Variants in BDH1 observed in about 807,000 individuals in gnomAD.
The protein encoded by BDH1 is 3-hydroxybutyrate dehydrogenase 1.
A neutral mutation model predicts 33.1 loss-of-function variants in BDH1; 30 were observed. The ratio of observed to expected loss-of-function variants is 0.91; its 90% CI spans 0.68 to 1.23. The LOEUF is 1.23. Among genes scored for constraint, BDH1 ranks in the 50% most tolerant of loss-of-function variants. The pLI, the probability that BDH1 is intolerant of heterozygous loss-of-function variation, is 0.00. For missense variants in BDH1, 443 were observed against 464.4 expected, an observed-to-expected ratio of 0.95 and a Z score of 0.42; for synonymous variants, 190 against 183.6, an observed-to-expected ratio of 1.03 and a Z score of -0.28.
intron 1 of BDH1, among the ~76,000 whole-genome samples, chr3:197,564,847 A>T (rs1470469699): frequency 1.3e-5 from 2 of 152,234 alleles, no homozygotes; most frequent in Non-Finnish European, 2.9e-5. Context: ...GCTTATGGTC[A>T]AGATTAAAAT....
chr3:197,526,988 C>G lies in BDH1; in HGVS notation c.268-4207G>C, dbSNP rs1489963303. ...AATATCAGCACACTAACAACTCTTT[C>G]CAGTCGCTCAACCTCTTCTATTTCC... On this transcript the variant is annotated intron_variant, in intron 5 of 7. Transcript: ENST00000392379. This position sits in a 1 kb window ranked among gnomAD's most constrained non-coding sequence, Gnocchi z 4.7. 6.6e-6 allele frequency among the ~76,000 whole-genome samples: 1 copy of G among 152,236 alleles called. No individual in the cohort carries two copies. The highest frequency in any genetic ancestry group is 2.4e-5 in the African/African-American group (1 of 41,474).
intron 3 of BDH1, among the ~76,000 whole-genome samples, chr3:197,537,708 G>A (rs1003154993): frequency 1.3e-5 from 2 of 152,182 alleles, no homozygotes; most frequent in African/African-American, 2.4e-5. Flanking sequence ...TTTTTCCTGA[G>A]ATTTTTAAAA....
chr3:197,548,744 G>C (rs994914697), intron 2 of BDH1, among the ~76,000 whole-genome samples: 4 of 152,066 alleles, frequency 2.6e-5, no homozygotes, highest in African/African-American at 9.7e-5. Flanking sequence ...CCAGCTACTC[G>C]GGAGGCTGGG....
chr3:197,552,246 A>G (rs903716061), intron 2 of BDH1, among the ~76,000 whole-genome samples: 3 of 152,016 alleles, frequency 2.0e-5, no homozygotes, highest in African/African-American at 7.3e-5. Flanking sequence ...TGCCACCTTC[A>G]CATATATCTA....
intron 1 of BDH1, among the ~76,000 whole-genome samples, chr3:197,562,039 T>C (rs995641660): frequency 7.2e-5 from 11 of 152,186 alleles, no homozygotes; most frequent in Non-Finnish European, 1.5e-4. Context: ...GGGCGGATTC[T>C]TCTTACATCT....
rs1368455417 is a variant in BDH1 at position 197,555,888 on chromosome 3, G to C, written c.-303C>G. ...TCTCCTGCGGGGAGAGCCGAGGGGG[G>C]GCGCTGCCGCAGGGTCTTTCTGGAA... On this transcript the variant is annotated 5_prime_UTR_variant, in exon 1 of 8. Transcript: ENST00000392379. 1 of 152,274 alleles carries C rather than the reference G, an allele frequency of 6.6e-6. No homozygotes were observed. 9.4% of individuals were successfully genotyped at this position (152,274 alleles called of 1,614,324 possible).
chr3:197,562,472 G>A lies in BDH1; in HGVS notation c.-44+10709C>T, dbSNP rs141208559. On this transcript the variant is annotated intron_variant, in intron 1 of 6. Coordinates refer to the BDH1 transcript ENST00000358186. Reference sequence around the variant, plus strand: ...GCGTCCCTGGGTGACCAGGGGCCTCGTGGGAGCGTCTGGGGAGTTGACCCC... The same window carrying A: ...GCGTCCCTGGGTGACCAGGGGCCTCATGGGAGCGTCTGGGGAGTTGACCCC... Among the ~76,000 whole-genome samples, 612 of 152,330 alleles carry A rather than the reference G, an allele frequency of 4.0e-3. 4 individuals carry two copies. Among genetic ancestry groups the A allele is most frequent in the African/African-American group, 0.013 (554 of 41,570 alleles).
At chr3:197,532,360 A>G in intron 5 of BDH1, 52 bp downstream of exon 5, 3 of 1,524,470 alleles carry the variant, frequency 2.0e-6, no homozygotes, top group Non-Finnish European at 2.7e-6. Context: ...AAGACTAAAA[A>G]ACAATGACTA....
At chr3:197,532,660 G>A (rs1478867495) in intron 4 of BDH1, 138 bp from the exon 5 acceptor site, 1 of 634,234 alleles carries the variant, frequency 1.6e-6, no homozygotes, top group Non-Finnish European at 2.8e-6. Context: ...TGTTCTTGTT[G>A]TCTGGAGAAG....
chr3:197,534,410 G>C (rs1241589080), intron 3 of BDH1, among the ~76,000 whole-genome samples: 1 of 152,140 alleles, frequency 6.6e-6, no homozygotes, highest in East Asian at 1.9e-4. Context: ...TCAATAATTT[G>C]CTCCTTGTTA....
intron 1 of BDH1, among the ~76,000 whole-genome samples, chr3:197,570,918 G>T (rs1188185548): frequency 6.6e-6 from 1 of 152,198 alleles, no homozygotes; most frequent in Admixed American, 6.5e-5. Flanking sequence ...CTGACAGCTT[G>T]CACCATGTGC....
intron 2 of BDH1, among the ~76,000 whole-genome samples, chr3:197,546,722 C>G (rs1716110428): frequency 6.6e-6 from 1 of 152,172 alleles, no homozygotes; most frequent in South Asian, 2.1e-4. Context: ...AGCTGTGCCA[C>G]CAAACACACT....
chr3:197,511,886 C>T lies in BDH1; in HGVS notation c.*9G>A, dbSNP rs773228186. 18 of 1,545,350 alleles carry T rather than the reference C, an allele frequency of 1.2e-5. No homozygotes were observed. In the East Asian group the frequency reaches 2.0e-4, roughly 17 times the overall value. On this transcript the variant is annotated 3_prime_UTR_variant, in exon 8 of 8. Coordinates refer to ENST00000392379, the MANE Select transcript of BDH1 (RefSeq NM_203314.3). The stretch of plus-strand genomic sequence containing the variant: ...CAGGGATCCCTGACAGAGGCCACAG[C>T]GAGACTCTTCAGCGGATGTAGATCA...
chr3:197,524,980 A>G (rs1200251373), intron 5 of BDH1, among the ~76,000 whole-genome samples: 4 of 152,170 alleles, frequency 2.6e-5, no homozygotes, highest in African/African-American at 9.7e-5. Flanking sequence ...CGGACACAGC[A>G]GCCAGGCCGG....
intron 5 of BDH1, chr3:197,529,974 A>C (rs1187515059): frequency 6.6e-6 from 1 of 152,190 alleles, no homozygotes; most frequent in Non-Finnish European, 1.5e-5. Context: ...GGCCGGGTAC[A>C]TATTGTCTCA....
At chr3:197,547,392 T>G (rs183750875) in intron 2 of BDH1, among the ~76,000 whole-genome samples, 102 of 152,312 alleles carry the variant, frequency 6.7e-4, no homozygotes, top group African/African-American at 2.4e-3. Context: ...GGGAGGCTCC[T>G]CCCCTGCCTG....
At chr3:197,566,049 C>A (rs751346986) in intron 1 of BDH1, among the ~76,000 whole-genome samples, 10 of 152,180 alleles carry the variant, frequency 6.6e-5, no homozygotes, top group Non-Finnish European at 1.3e-4. Context: ...CTATTTACAG[C>A]TTTTAACAAT....
intron 5 of BDH1, chr3:197,529,879 C>T (rs1244472252): frequency 3.9e-5 from 6 of 152,178 alleles, no homozygotes; most frequent in African/African-American, 1.4e-4. Context: ...AATGTCTCAC[C>T]CACCGAGCAG....
upstream of BDH1, among the ~76,000 whole-genome samples, chr3:197,556,473 G>C (rs1442192954): frequency 6.6e-6 from 1 of 152,164 alleles, no homozygotes; most frequent in African/African-American, 2.4e-5. Flanking sequence ...TTCGAGACCA[G>C]CCTGGCCAAC....
Sources: gnomAD v4.1 joint callset for allele counts (sites outside exome capture counted in the v4.1 genomes callset) on GRCh38, gnomAD v4.1.1 for gene constraint, Gnocchi (gnomAD v3.1) non-coding constraint, MANE v1.5 for transcripts, NCBI Gene and HGNC (gene_info 2026-07-23, HGNC 2026-07-21) for gene names.